Variants in NCALD observed in about 807,000 individuals in gnomAD.
NCALD encodes the protein neurocalcin-delta.
In NCALD, 10 loss-of-function variants were observed where a neutral mutation model predicts 18.6. That is an observed-to-expected ratio of 0.54 (90% CI 0.33 to 0.91). The LOEUF is 0.91. NCALD is among the 40% of genes least tolerant of loss of function. The pLI is 0.03. For missense variants in NCALD, 184 were observed against 247.6 expected (o/e 0.74, Z 1.72); for synonymous variants, 88 against 87.4 (o/e 1.01, Z -0.04).
At chr8:102,022,776 G>A (rs917230004) in intron 1 of NCALD, among the ~76,000 whole-genome samples, 2 of 152,132 alleles carry the variant, frequency 1.3e-5, no homozygotes, top group East Asian at 3.9e-4. Flanking sequence ...TCTGCTGGAA[G>A]AAGGTATGGA....
intron 4 of NCALD, among the ~76,000 whole-genome samples, chr8:101,857,565 G>A (rs982743882): frequency 6.6e-6 from 1 of 152,178 alleles, no homozygotes; most frequent in Admixed American, 6.5e-5. Context: ...CCTTTGATTT[G>A]CTCTGCTATT....
chr8:101,974,173 T>C (rs117076006), intron 2 of NCALD, among the ~76,000 whole-genome samples: 2,589 of 152,320 alleles, frequency 0.017, 28 homozygotes, highest in Middle Eastern at 0.034. Context: ...ATATAATTAA[T>C]TTCCACTTTA....
intron 4 of NCALD, among the ~76,000 whole-genome samples, chr8:101,845,630 A>G (rs1322969781): frequency 6.6e-6 from 1 of 152,226 alleles, no homozygotes; most frequent in Non-Finnish European, 1.5e-5. Context: ...AAGCTGGGTA[A>G]TTGGGATGTC....
chr8:101,995,612 A>T (rs182124114), intron 2 of NCALD, among the ~76,000 whole-genome samples: 363 of 152,222 alleles, frequency 2.4e-3, no homozygotes, highest in African/African-American at 8.0e-3. Context: ...TCAGAGCAAG[A>T]GCTCACTCAT....
intron 2 of NCALD, among the ~76,000 whole-genome samples, chr8:101,977,932 C>T (rs937234169): frequency 1.3e-5 from 2 of 152,132 alleles, no homozygotes; most frequent in African/African-American, 4.8e-5. Context: ...AGGTAAGTCA[C>T]GGTACATAGA....
At chr8:101,833,561 C>A (rs1012922195) in intron 4 of NCALD, among the ~76,000 whole-genome samples, 11 of 150,216 alleles carry the variant, frequency 7.3e-5, no homozygotes, top group African/African-American at 2.7e-4. Flanking sequence ...GACTTCTTTA[C>A]CTTTTTTTCC....
chr8:101,703,165 T>C lies in NCALD; in HGVS notation c.379-10269A>G, dbSNP rs753865021. On this transcript the variant is annotated intron_variant, in intron 2 of 3. Coordinates refer to ENST00000220931, the MANE Select transcript of NCALD (RefSeq NM_032041.3). ...TTCTCTGTTCCTCTTTTTTTTTTTT[T>C]CCCCCAAAACAAGTAGCCTAGAATG... Among the ~76,000 whole-genome samples, 220 of 142,860 alleles carry C rather than the reference T, an allele frequency of 1.5e-3. 1 individual carries two copies. The highest frequency in any genetic ancestry group is 7.1e-3 in the East Asian group (35 of 4,958). 93.7% of individuals were successfully genotyped at this position (142,860 alleles called of 152,430 possible). A position where few individuals can be genotyped will look rare whatever the true frequency, so the allele number is the denominator to read the frequency against.
intron 3 of NCALD, among the ~76,000 whole-genome samples, chr8:101,892,025 C>T (rs1816918605): frequency 6.6e-6 from 1 of 152,240 alleles, no homozygotes; most frequent in South Asian, 2.1e-4. Flanking sequence ...CTCAAGGAGG[C>T]CTGGCTGCCT....
intron 4 of NCALD, among the ~76,000 whole-genome samples, chr8:101,864,938 C>A (rs1049995563): frequency 2.0e-5 from 3 of 152,130 alleles, no homozygotes; most frequent in African/African-American, 7.2e-5. Flanking sequence ...TACTTGTAAT[C>A]TTTATCTGTC....
At chr8:101,901,751 T>G (rs1817431542) in intron 3 of NCALD, among the ~76,000 whole-genome samples, 1 of 152,088 alleles carries the variant, frequency 6.6e-6, no homozygotes, top group Non-Finnish European at 1.5e-5. Context: ...GAAGTAAACT[T>G]TATTGTACTT....
chr8:101,886,053 G>A (rs1244626553), intron 4 of NCALD, among the ~76,000 whole-genome samples: 2 of 152,156 alleles, frequency 1.3e-5, no homozygotes, highest in South Asian at 2.1e-4. Context: ...ATGCAATAGG[G>A]CTGAGACTTA....
chr8:101,896,034 CAA>C (rs1230702729), intron 3 of NCALD, among the ~76,000 whole-genome samples: 1 of 150,908 alleles, frequency 6.6e-6, no homozygotes, highest in Non-Finnish European at 1.5e-5. Context: ...CATATGGAAC[CAA>C]AAAAGAGCCC....
intron 4 of NCALD, among the ~76,000 whole-genome samples, chr8:101,882,749 T>C (rs1816535870): frequency 6.6e-6 from 1 of 152,234 alleles, no homozygotes; most frequent in Non-Finnish European, 1.5e-5. Flanking sequence ...TCCTCACTGG[T>C]GCCCTGGTGT....
intron 1 of NCALD, among the ~76,000 whole-genome samples, chr8:101,721,822 A>C (rs1816370438): frequency 6.6e-6 from 1 of 150,706 alleles, no homozygotes; most frequent in Non-Finnish European, 1.5e-5. Context: ...CAACTGCTGT[A>C]GGAAGGAACT....
chr8:101,813,310 G>A (rs1010933948), intron 4 of NCALD, among the ~76,000 whole-genome samples: 2 of 151,954 alleles, frequency 1.3e-5, no homozygotes, highest in African/African-American at 4.8e-5. Context: ...AAAAAGGTGT[G>A]ATTAAAACCA....
chr8:101,784,902 A>G (rs963214848), intron 1 of NCALD, among the ~76,000 whole-genome samples: 2 of 152,362 alleles, frequency 1.3e-5, no homozygotes, highest in African/African-American at 4.8e-5. Flanking sequence ...AATACAATAT[A>G]TAATAGTAAG....
chr8:101,969,803 A>G (rs1820168928), intron 2 of NCALD, among the ~76,000 whole-genome samples: 2 of 152,244 alleles, frequency 1.3e-5, no homozygotes, highest in Non-Finnish European at 2.9e-5. Context: ...GACTTACAAA[A>G]ACAATTTCAT....
chr8:102,012,390 G>T (rs1343523398), intron 2 of NCALD, among the ~76,000 whole-genome samples: 1 of 152,226 alleles, frequency 6.6e-6, no homozygotes, highest in Non-Finnish European at 1.5e-5. Context: ...GCAACAATTA[G>T]CTGTCAACTC....
At chr8:101,961,670 T>C (rs918502158) in intron 2 of NCALD, among the ~76,000 whole-genome samples, 2 of 152,146 alleles carry the variant, frequency 1.3e-5, no homozygotes, top group Non-Finnish European at 2.9e-5. Context: ...CCTCCAGATA[T>C]CTTCCTGGCT....
Sources: allele counts gnomAD v4.1 joint callset (sites outside exome capture counted in the v4.1 genomes callset), GRCh38; gene constraint gnomAD v4.1.1; transcripts MANE v1.5; gene names NCBI Gene and HGNC (gene_info 2026-07-23, HGNC 2026-07-21).